CBFB: variants seen among roughly 807,000 people sequenced by gnomAD.
CBFB encodes the protein core-binding factor subunit beta.
Under a neutral mutation model 30.4 loss-of-function variants are expected in CBFB, and 9 were observed. That is an observed-to-expected ratio of 0.30 (90% confidence interval 0.18 to 0.52). The LOEUF (loss-of-function observed/expected upper bound fraction) is 0.52. CBFB is among the 20% of genes least tolerant of loss of function. CBFB has a pLI of 0.97. For missense variants in CBFB, 170 were observed against 244.0 expected, an observed-to-expected ratio of 0.70 and a Z score of 2.02; for synonymous variants, 94 against 84.0, an observed-to-expected ratio of 1.12 and a Z score of -0.65.
At chr16:67,078,810 T>C (rs946902781) in intron 4 of CBFB, among the ~76,000 whole-genome samples, 1 of 152,044 alleles carries the variant, frequency 6.6e-6, no homozygotes, top group African/African-American at 2.4e-5. Flanking sequence ...CCACCATGCC[T>C]GGCTAATTTT....
chr16:67,046,903 C>T (rs766460512), intron 3 of CBFB, among the ~76,000 whole-genome samples: 3 of 152,048 alleles, frequency 2.0e-5, no homozygotes, highest in Admixed American at 6.6e-5. Flanking sequence ...ATTATTGTTC[C>T]TTTTTTTATG....
intron 5 of CBFB, among the ~76,000 whole-genome samples, chr16:67,082,830 A>T (rs998023511): frequency 2.6e-5 from 4 of 152,188 alleles, no homozygotes; most frequent in Non-Finnish European, 5.9e-5. Flanking sequence ...CTATTGTAAA[A>T]TACAGAAACA....
At chr16:67,074,057 A>G (rs972693125) in intron 4 of CBFB, among the ~76,000 whole-genome samples, 2 of 152,144 alleles carry the variant, frequency 1.3e-5, no homozygotes, top group Non-Finnish European at 2.9e-5. Context: ...AAAAACACCA[A>G]GCTGTTATTT....
intron 5 of CBFB, among the ~76,000 whole-genome samples, chr16:67,090,252 A>G (rs938447122): frequency 6.6e-6 from 1 of 152,192 alleles, no homozygotes; most frequent in Non-Finnish European, 1.5e-5. Context: ...TCTTCATTAC[A>G]TACTTAACAA....
intron 3 of CBFB, among the ~76,000 whole-genome samples, chr16:67,056,185 A>G (rs1960718309): frequency 1.3e-5 from 2 of 152,226 alleles, no homozygotes; most frequent in Non-Finnish European, 2.9e-5. Context: ...AATGGCCCAC[A>G]AGCATAATGT....
intron 3 of CBFB, among the ~76,000 whole-genome samples, chr16:67,041,889 C>T (rs1435987185): frequency 1.3e-5 from 2 of 149,626 alleles, no homozygotes; most frequent in African/African-American, 4.9e-5. Flanking sequence ...TCAAGAGATC[C>T]TCCTGCCCTT....
intron 3 of CBFB, among the ~76,000 whole-genome samples, chr16:67,042,510 A>AC (rs982867040): frequency 8.6e-5 from 13 of 151,682 alleles, no homozygotes; most frequent in Admixed American, 2.0e-4. Flanking sequence ...TATTTCAGTC[A>AC]CCCCCCCAAA....
chr16:67,068,656 T>G (rs1486471642), intron 4 of CBFB, among the ~76,000 whole-genome samples: 1 of 152,062 alleles, frequency 6.6e-6, no homozygotes, highest in Admixed American at 6.6e-5. Flanking sequence ...AACTGTCTGG[T>G]TTTCAGCAAA....
rs1308075948 is a variant in CBFB, at chr16:67,029,302, G to A, written c.-106G>A. 4 of 716,570 alleles carry A rather than the reference G, an allele frequency of 5.6e-6. No homozygotes were observed. Among genetic ancestry groups the A allele is most frequent in the Non-Finnish European group, 5.9e-6 (3 of 512,662 alleles). 44.4% of individuals were successfully genotyped at this position (716,570 alleles called of 1,614,324 possible). A position where few individuals can be genotyped will look rare whatever the true frequency, so the allele number is the denominator to read the frequency against. On this transcript the variant is annotated 5_prime_UTR_variant, in exon 1 of 6. Transcript: ENST00000412916. ...GCGCCTGAAACAAAGGGAAGCGGGC[G>A]TCCGGGCGCCGCGGGTGGGCGGTCA... is the stretch of plus-strand genomic sequence containing the variant.
intron 4 of CBFB, among the ~76,000 whole-genome samples, chr16:67,074,501 G>T (rs1961329906): frequency 6.6e-6 from 1 of 151,368 alleles, no homozygotes; most frequent in South Asian, 2.1e-4. Context: ...TCCTGCCTCA[G>T]CCTCCCAAGT....
At chr16:67,095,406 A>G (rs1162290889) in intron 5 of CBFB, among the ~76,000 whole-genome samples, 39 of 151,998 alleles carry the variant, frequency 2.6e-4, no homozygotes. Context: ...AGTTCCAGCT[A>G]CTTGGGAGGC....
chr16:67,067,520 A>AAAC (rs573296160), intron 4 of CBFB, among the ~76,000 whole-genome samples: 2 of 152,170 alleles, frequency 1.3e-5, no homozygotes, highest in Non-Finnish European at 1.5e-5. Context: ...TCTGTCTCAA[A>AAAC]AACAACAACA....
intron 3 of CBFB, among the ~76,000 whole-genome samples, chr16:67,062,248 A>G (rs1405047457): frequency 2.0e-5 from 3 of 150,268 alleles, no homozygotes; most frequent in African/African-American, 4.9e-5. Flanking sequence ...GGCTCACTGC[A>G]AACTCCATCT....
At chr16:67,094,663 C>G (rs1961988434) in intron 5 of CBFB, among the ~76,000 whole-genome samples, 1 of 152,178 alleles carries the variant, frequency 6.6e-6, no homozygotes, top group Admixed American at 6.5e-5. Flanking sequence ...TGCTTGGCCC[C>G]TTTCTAACCT....
At chr16:67,078,906 G>A (rs953176342) in intron 4 of CBFB, among the ~76,000 whole-genome samples, 3 of 152,164 alleles carry the variant, frequency 2.0e-5, no homozygotes, top group Admixed American at 6.5e-5. Context: ...TGACCCACCG[G>A]CCTTGGCCTC....
chr16:67,064,004 A>G (rs1960983494), intron 3 of CBFB, among the ~76,000 whole-genome samples: 1 of 152,364 alleles, frequency 6.6e-6, no homozygotes, highest in East Asian at 1.9e-4. Context: ...GATTTCCCAA[A>G]GGAAATACAT....
At position 67,100,903 on chromosome 16, in the gene CBFB, C is replaced by T. The variant is rs1177129573; in HGVS notation, c.*2125C>T. The T allele has an allele frequency of 5.1e-6, 1 of 196,386 alleles. No homozygotes were observed. Among genetic ancestry groups the T allele is most frequent in the Non-Finnish European group, 1.1e-5 (1 of 94,526 alleles). 12.2% of individuals were successfully genotyped at this position (196,386 alleles called of 1,614,324 possible). A position where few individuals can be genotyped will look rare whatever the true frequency, so the allele number is the denominator to read the frequency against. ...ATGCAATTTGATATTTTTTCATAAT[C>T]TATATTTAAACAAAATTACATCATT... On this transcript the variant is annotated 3_prime_UTR_variant, in exon 6 of 6. Transcript: ENST00000412916.
chr16:67,041,565 G>C (rs1966530714), intron 3 of CBFB, among the ~76,000 whole-genome samples: 1 of 152,004 alleles, frequency 6.6e-6, no homozygotes, highest in African/African-American at 2.4e-5. Context: ...TCGTGCCACT[G>C]CACTCCAGCC....
At chr16:67,067,372 G>A (rs1158174698) in intron 4 of CBFB, among the ~76,000 whole-genome samples, 1 of 152,044 alleles carries the variant, frequency 6.6e-6, no homozygotes, top group African/African-American at 2.4e-5. Flanking sequence ...ATAAAAATTA[G>A]CCAGGCATGG....
Sources: gnomAD v4.1 joint callset for allele counts (sites outside exome capture counted in the v4.1 genomes callset) on GRCh38, gnomAD v4.1.1 for gene constraint, MANE v1.5 for transcripts, NCBI Gene and HGNC (gene_info 2026-07-23, HGNC 2026-07-21) for gene names.